Variants in IL12RB1 observed in about 807,000 individuals in gnomAD.
IL12RB1 encodes interleukin 12 receptor subunit beta 1, also known as interleukin-12 receptor subunit beta-1.
Under a neutral mutation model 94.4 loss-of-function variants are expected in IL12RB1, and 64 were observed. The observed-to-expected ratio is 0.68, with a 90% CI of 0.55 to 0.83. The LOEUF (loss-of-function observed/expected upper bound fraction) is 0.83. IL12RB1 is among the 40% of genes least tolerant of loss of function. The pLI is 0.00. For missense variants in IL12RB1, 814 were observed against 855.6 expected (o/e 0.95, Z 0.61); for synonymous variants, 362 against 355.5 (o/e 1.02, Z -0.21).
At position 18,068,619 on chromosome 19, in the gene IL12RB1, G is replaced by A. The variant is rs1477050357; in HGVS notation, c.1190-93C>T. On this transcript the variant is annotated intron_variant, in intron 10 of 16. Transcript: ENST00000593993. ...CTGTGCCATCTGCCAGGAACCCCCA[G>A]AAAACTCCTACTCATGTTTCAAAGC... is the stretch of plus-strand genomic sequence containing the variant. 54 of 1,028,944 alleles carry A rather than the reference G, an allele frequency of 5.2e-5. No individual in the cohort carries two copies. In the East Asian group the frequency reaches 1.3e-3, roughly 24 times the overall value. The allele number at this position is 1,028,944 out of a possible 1,614,324, so 63.7% of individuals were successfully genotyped here. A position where few individuals can be genotyped will look rare whatever the true frequency, so the allele number is the denominator to read the frequency against.
At chr19:18,084,319 A>C (rs1354140340) in intron 1 of IL12RB1, among the ~76,000 whole-genome samples, 190 of 84,776 alleles carry the variant, frequency 2.2e-3, no homozygotes, top group Middle Eastern at 0.011. Context: ...TCCATCCATC[A>C]ATCCATGTAT....
chr19:18,083,133 G>A (rs1010887875), intron 2 of IL12RB1: 4 of 550,918 alleles, frequency 7.3e-6, no homozygotes, highest in Non-Finnish European at 1.3e-5. Context: ...GGTTGGGGGG[G>A]GGGCTTCAAA....
At chr19:18,073,775 G>A (rs767134507) in intron 7 of IL12RB1, among the ~76,000 whole-genome samples, 176 bp from the exon 8 acceptor site, 3 of 152,226 alleles carry the variant, frequency 2.0e-5, no homozygotes, top group Non-Finnish European at 4.4e-5. Flanking sequence ...CATCCCCAGG[G>A]ATAACTGCCA....
rs754100189 is a variant in IL12RB1 at position 18,072,141 on chromosome 19, G to A, written c.992C>T (p.Thr331Met). ...SNQFGPGLNQ[T>M]WHIPADTHTE... ...GTGGGTGTCGGCAGGAATGTGCCACGTCTGGTTCAGGCCAGGACCAAATTG... is the reference window on the plus strand; with the variant it reads ...GTGGGTGTCGGCAGGAATGTGCCACATCTGGTTCAGGCCAGGACCAAATTG... Residue 331 changes from threonine (T) to methionine (M), a missense_variant, in exon 9 of 17, where the codon ACG (threonine) becomes ATG (methionine). Transcript: ENST00000593993. 2.4e-5 allele frequency: 39 copies of A among 1,613,792 alleles called. No homozygotes were observed. The highest frequency in any genetic ancestry group is 2.4e-4 in the South Asian group (22 of 91,084).
rs547149804 is a variant in IL12RB1, at chr19:18,096,735, C to G, written c.-230+2020G>C. 4.6e-5 allele frequency among the ~76,000 whole-genome samples: 7 copies of G among 151,428 alleles called. No homozygotes were observed. The South Asian group carries it at 1.5e-3, about 32-fold the overall frequency. On this transcript the variant is annotated intron_variant, in intron 1 of 4. Transcript: ENST00000594176. The stretch of plus-strand genomic sequence containing the variant: ...CCTGTAGTCCCAGCTACTAGGGAGG[C>G]TGAGGCATGAGAATAGCTTGAACCC...
rs2146152010 is a variant in IL12RB1, at chr19:18,065,651, T to C, written c.1483+891A>G. ...CTGGTCAACATGGTGAAACTCCGTC[T>C]CTGCTAAAAATACAAAAATTTGCCA... On this transcript the variant is annotated intron_variant, in intron 12 of 16. Transcript: ENST00000593993. 2.0e-5 allele frequency among the ~76,000 whole-genome samples: 3 copies of C among 152,226 alleles called. No homozygotes were observed. The Middle Eastern group carries it at 0.01, about 518-fold the overall frequency.
intron 3 of IL12RB1, among the ~76,000 whole-genome samples, chr19:18,081,898 G>T (rs2035936661): frequency 6.6e-6 from 1 of 151,916 alleles, no homozygotes; most frequent in Non-Finnish European, 1.5e-5. Context: ...TTGGATGGGT[G>T]GATAAGTGAA....
chr19:18,083,594 C>A, intron 1 of IL12RB1, 103 bp from the exon 2 acceptor site: 1 of 1,115,258 alleles, frequency 9.0e-7, no homozygotes, highest in South Asian at 1.3e-5. Flanking sequence ...AGCCCTCCCA[C>A]CCACCCACTT....
intron 3 of IL12RB1, 100 bp from the exon 4 acceptor site, chr19:18,081,101 G>A (rs1383865208): frequency 1.8e-6 from 2 of 1,104,380 alleles, no homozygotes; most frequent in Non-Finnish European, 2.6e-6. Context: ...TTTGGTGTTT[G>A]TTTGTTTGTT....
intron 14 of IL12RB1, 85 bp downstream of exon 14, chr19:18,062,096 C>G: frequency 1.1e-6 from 1 of 897,358 alleles, no homozygotes; most frequent in South Asian, 1.4e-5. Flanking sequence ...GCCAAGGACC[C>G]AATCTGCGGG....
At chr19:18,067,822 G>A (rs1056797431) in intron 11 of IL12RB1, among the ~76,000 whole-genome samples, 1 of 151,854 alleles carries the variant, frequency 6.6e-6, no homozygotes, top group African/African-American at 2.4e-5. Flanking sequence ...TCAGCCTCCT[G>A]AGTAGTTGGG....
intron 1 of IL12RB1, among the ~76,000 whole-genome samples, chr19:18,085,410 T>C (rs943708498): frequency 8.0e-6 from 1 of 124,858 alleles, no homozygotes. Flanking sequence ...TCACTGCCAC[T>C]ATCTCCAGGA....
chr19:18,062,054 C>T, intron 14 of IL12RB1, 127 bp downstream of exon 14: 1 of 664,844 alleles, frequency 1.5e-6, no homozygotes. Flanking sequence ...TCTTCTACCT[C>T]TGGCTTGCCC....
At position 18,060,002 on chromosome 19, in the gene IL12RB1, T is replaced by G. The variant is rs1332593158; in HGVS notation, c.1875A>C (p.Lys625Asn). The change falls in exon 16 of 17, where the codon AAA becomes AAC. Residue 625 changes from lysine to asparagine, a missense_variant. Coordinates refer to ENST00000593993, the MANE Select transcript of IL12RB1 (RefSeq NM_005535.3). ...EALVVEMSWD[K>N]GERTEPLEKT... Reference sequence around the variant, plus strand: ...TCTCGAGAGGCTCAGTCCTCTCGCCTTTGTCCCAGGACATCTCTACCACCA... The same window carrying G: ...TCTCGAGAGGCTCAGTCCTCTCGCCGTTGTCCCAGGACATCTCTACCACCA... The G allele has an allele frequency of 6.3e-7, 1 of 1,598,820 alleles. No homozygotes were observed. Among genetic ancestry groups the G allele is most frequent in the Admixed American group, 1.7e-5 (1 of 59,266 alleles).
chr19:18,091,534 G>GGT (rs2036626834), upstream of IL12RB1: 1 of 152,194 alleles, frequency 6.6e-6, no homozygotes, highest in Non-Finnish European at 1.5e-5. Context: ...CCCTAACGTC[G>GGT]CTGAGGATCA....
chr19:18,087,779 A>G (rs1371988796), upstream of IL12RB1, among the ~76,000 whole-genome samples: 1 of 150,376 alleles, frequency 6.6e-6, no homozygotes, highest in Non-Finnish European at 1.5e-5. Context: ...GCCTTGGCCT[A>G]CCAAAATTCT....
In IL12RB1 at chr19:18,063,619, C is replaced by T. The variant is rs537545145; in HGVS notation, c.1618+257G>A. On this transcript the variant is annotated intron_variant, in intron 13 of 16. Transcript: ENST00000593993. ...AACTTTTGAGCTGAGTTTTGAAGGA[C>T]GAATAGGAGTTGGACCGTGTGGAAA... Among the ~76,000 whole-genome samples, 7 of 152,154 alleles carry T rather than the reference C, an allele frequency of 4.6e-5. No individual in the cohort carries two copies. The South Asian group carries it at 1.2e-3, about 27-fold the overall frequency.
At chr19:18,076,413 A>C (rs909411562) in intron 5 of IL12RB1, 86 bp from the exon 6 acceptor site, 6 of 754,376 alleles carry the variant, frequency 8.0e-6, no homozygotes, top group Non-Finnish European at 9.7e-6. Flanking sequence ...TTATTTACTT[A>C]TTTATCTGAG....
chr19:18,094,185 C>T (rs2036774589), intron 1 of IL12RB1, among the ~76,000 whole-genome samples: 1 of 152,178 alleles, frequency 6.6e-6, no homozygotes, highest in African/African-American at 2.4e-5. Flanking sequence ...CTGGAGTGCA[C>T]TGGCACTATC....
Sources: allele counts gnomAD v4.1 joint callset (sites outside exome capture counted in the v4.1 genomes callset), GRCh38; gene constraint gnomAD v4.1.1; transcripts MANE v1.5; gene names NCBI Gene and HGNC (gene_info 2026-07-23, HGNC 2026-07-21).